Variants in MCAM observed in about 807,000 individuals in gnomAD.
MCAM encodes the protein melanoma cell adhesion molecule.
A neutral mutation model predicts 79.1 loss-of-function variants in MCAM; 55 were observed. The observed-to-expected ratio is 0.70, with a 90% CI of 0.56 to 0.87. The LOEUF is 0.87. Among genes scored for constraint, MCAM ranks in the 40% least tolerant of loss-of-function variants. The probability of loss-of-function intolerance (pLI) is 0.00; values close to 1 mark genes in which losing one functional copy is unlikely to be tolerated. For synonymous variants in MCAM, 330 were observed against 339.8 expected (o/e 0.97, Z 0.32); for missense variants, 745 against 839.8 (o/e 0.89, Z 1.40).
rs113139996 is a variant in MCAM, at chr11:119,310,686, G to A, written c.1793+70C>T. The A allele has an allele frequency of 6.0e-4, 925 of 1,535,160 alleles. 3 individuals carry two copies. Among genetic ancestry groups the A allele is most frequent in the Middle Eastern group, 3.5e-3 (16 of 4,626 alleles). ...CCCCACTCCTGCTGTCAAGGGGCAGGCGGGCGCTGGGCAGGCAGCAGGCTG... is the reference window on the plus strand; with the variant it reads ...CCCCACTCCTGCTGTCAAGGGGCAGACGGGCGCTGGGCAGGCAGCAGGCTG... On this transcript the variant is annotated intron_variant, in intron 14 of 15. Transcript: ENST00000264036.
At position 119,315,370 on chromosome 11, in the gene MCAM, G is replaced by T; in HGVS notation, c.68-107C>A. The T allele has an allele frequency of 7.1e-7, 1 of 1,404,144 alleles. No individual in the cohort carries two copies. The highest frequency in any genetic ancestry group is 9.6e-7 in the Non-Finnish European group (1 of 1,042,976). The allele number at this position is 1,404,144 out of a possible 1,614,324, so 87.0% of individuals were successfully genotyped here. The stretch of plus-strand genomic sequence containing the variant: ...GTTTTTCCTGCCACTCAGAGGGTCT[G>T]CAGAGGGCCCTGTCCTCTGAACGCT... On this transcript the variant is annotated intron_variant, in intron 1 of 15. Coordinates refer to ENST00000264036, the MANE Select transcript of MCAM (RefSeq NM_006500.3). This position sits in a 1 kb window ranked among gnomAD's most constrained non-coding sequence, Gnocchi z 4.4.
At position 119,312,056 on chromosome 11, in the gene MCAM, TCTC is replaced by T. The variant is rs571690892; in HGVS notation, c.1136_1138del (p.Arg379_Glu380delinsLys). 6.3e-4 allele frequency: 1,022 copies of T among 1,610,722 alleles called. 4 individuals carry two copies. The African/African-American group carries it at 0.012, about 19-fold the overall frequency. ...GCCCCAGACCCGCCTGGGTACCTCT[TCTC>T]TCAGCCACTGGAACTCGAGGTCCTG... On this transcript the variant is annotated inframe_deletion, in exon 9 of 16. Coordinates refer to ENST00000264036, the MANE Select transcript of MCAM (RefSeq NM_006500.3). The surrounding 1 kb of genome is among the most constrained non-coding windows in gnomAD (Gnocchi z 4.9).
chr11:119,313,317 A>C (rs1420150892), intron 5 of MCAM: 2 of 1,315,648 alleles, frequency 1.5e-6, no homozygotes, highest in Non-Finnish European at 2.0e-6. Flanking sequence ...CTGACCCAGA[A>C]ACATTGTATA....
intron 15 of MCAM, 74 bp from the exon 16 acceptor site, chr11:119,309,989 G>C: frequency 7.9e-7 from 1 of 1,266,614 alleles, no homozygotes; most frequent in East Asian, 2.4e-5. Flanking sequence ...CGAGAGGAAG[G>C]AGAGATGGAA....
rs1324021960 is a variant in MCAM at position 119,308,582 on chromosome 11, T to C, written c.*1304A>G. The C allele has an allele frequency of 6.6e-6, 1 of 150,880 alleles. No homozygotes were observed. The highest frequency in any genetic ancestry group is 6.6e-5 in the Admixed American group (1 of 15,096). 9.3% of individuals were successfully genotyped at this position (150,880 alleles called of 1,614,324 possible). On this transcript the variant is annotated 3_prime_UTR_variant, in exon 16 of 16. Transcript: ENST00000264036. Reference sequence around the variant, plus strand: ...ATATATATATATATTTTCATATATATATATACATACATATATAAAGGAAAC... The same window carrying C: ...ATATATATATATATTTTCATATATACATATACATACATATATAAAGGAAAC...
At chr11:119,314,188 C>G in intron 5 of MCAM, 1 of 462,644 alleles carries the variant, frequency 2.2e-6, no homozygotes, top group South Asian at 2.6e-5. Context: ...TGGGGTCTCG[C>G]TCTGTCACCC....
At position 119,310,390 on chromosome 11, in the gene MCAM, G is replaced by A. The variant is rs147931021; in HGVS notation, c.1870C>T (p.Leu624=). Reference sequence around the variant, plus strand: ...CTCTTGTCACCGCTGCTGCCCTGCAGGAGGCCCATCTCTTCTGGGAGCTTA... The same window carrying A: ...CTCTTGTCACCGCTGCTGCCCTGCAAGAGGCCCATCTCTTCTGGGAGCTTA... ...SDKLPEEMGL[L]QGSSGDKRAP... Residue 624 remains leucine (L), a synonymous_variant, in exon 15 of 16, where the codon CTG becomes TTG. Coordinates refer to ENST00000264036, the MANE Select transcript of MCAM (RefSeq NM_006500.3). The A allele has an allele frequency of 5.0e-6, 8 of 1,614,000 alleles. No homozygotes were observed. The African/African-American group carries it at 1.1e-4, about 22-fold the overall frequency.
In MCAM at chr11:119,309,928, A is replaced by G. The variant is rs777559814; in HGVS notation, c.1912-13T>C. ...TGTATTTCTCTCCCTAAAAGTGGGT[A>G]GAGGAGAAGAGGGGAACACGGAGAC... On this transcript the variant is annotated splice_polypyrimidine_tract_variant and intron_variant, in intron 15 of 15. Transcript: ENST00000264036. 1 of 1,598,244 alleles carries G rather than the reference A, an allele frequency of 6.3e-7. No individual in the cohort carries two copies. The highest frequency in any genetic ancestry group is 8.5e-7 in the Non-Finnish European group (1 of 1,171,810).
At position 119,310,862 on chromosome 11, in the gene MCAM, C is replaced by G; in HGVS notation, c.1687G>C (p.Val563Leu). The G allele has an allele frequency of 6.2e-7, 1 of 1,614,212 alleles. No homozygotes were observed. Among genetic ancestry groups the G allele is most frequent in the Non-Finnish European group, 8.5e-7 (1 of 1,180,040 alleles). Residue 563 changes from valine (V) to leucine (L), a missense_variant, in exon 14 of 16, where the codon GTG becomes CTG. Val to Leu is a conservative substitution (Grantham distance 32). Transcript: ENST00000264036. Reference sequence around the variant, plus strand: ...ACCAGGATGCACACAATCACAGCCACGATGACCACGCCCCGGCTCTCCGGC... The same window carrying G: ...ACCAGGATGCACACAATCACAGCCAGGATGACCACGCCCCGGCTCTCCGGC... ...PEPESRGVVI[V>L]AVIVCILVLA... is the part of the protein sequence containing the mutation.
chr11:119,310,247 A>G, intron 15 of MCAM, 102 bp downstream of exon 15: 1 of 834,506 alleles, frequency 1.2e-6, no homozygotes, highest in East Asian at 2.4e-5. Flanking sequence ...CCTGCTCCCT[A>G]TCTCTGACAA....
In MCAM at chr11:119,312,135, CAG is replaced by C; in HGVS notation, c.1058_1059del (p.Pro353ArgfsTer13). On this transcript the variant is annotated frameshift_variant, in exon 9 of 16. Coordinates refer to ENST00000264036, the MANE Select transcript of MCAM (RefSeq NM_006500.3). LOFTEE classifies it high-confidence loss of function. This position sits in a 1 kb window ranked among gnomAD's most constrained non-coding sequence, Gnocchi z 4.9. ...GTGAGGCTGCTGCCTTCCTGTCTCT[CAG>C]GGGCTGCGGGACTCACTCGGACGTC... ...VSDVRVSPAAPERQEGSSLTL... is the reference protein window; with the variant it reads ...VSDVRVSPAAXERQEGSSLTL... 6.2e-7 allele frequency: 1 copy of C among 1,613,564 alleles called. No homozygotes were observed. Among genetic ancestry groups the C allele is most frequent in the South Asian group, 1.1e-5 (1 of 90,980 alleles).
At position 119,309,826 on chromosome 11, in the gene MCAM, A is replaced by G; in HGVS notation, c.*60T>C. On this transcript the variant is annotated 3_prime_UTR_variant, in exon 16 of 16. Transcript: ENST00000264036. ...TCCCTTTGGAGGCTTTGGCTGAGAG[A>G]AGAGTGAGCAGGGAGCTGGGAATGG... 6.6e-7 allele frequency: 1 copy of G among 1,520,104 alleles called. No homozygotes were observed. Among genetic ancestry groups the G allele is most frequent in the Non-Finnish European group, 9.0e-7 (1 of 1,109,414 alleles). 94.2% of individuals were successfully genotyped at this position (1,520,104 alleles called of 1,614,324 possible).
rs376525144 is a variant in MCAM at position 119,314,855 on chromosome 11, G to A, written c.378C>T (p.Tyr126=). 2 of 1,613,604 alleles carry A rather than the reference G, an allele frequency of 1.2e-6. No individual in the cohort carries two copies. The highest frequency in any genetic ancestry group is 1.3e-5 in the African/African-American group (1 of 74,934). The change falls in exon 3 of 16, where the codon TAC becomes TAT. Residue 126 remains tyrosine (Y), a synonymous_variant. Transcript: ENST00000264036. ...CQGKRPRSQE[Y]RIQLRVYKAP... is the part of the protein sequence containing the mutation. ...CACTGTAGACGCGGAGCTGGATGCG[G>A]TACTCCTGGGACCGAGGGCGCTTGC...
At position 119,310,863 on chromosome 11, in the gene MCAM, G is replaced by T. The variant is rs141858125; in HGVS notation, c.1686C>A (p.Ile562=). 3.7e-6 allele frequency: 6 copies of T among 1,614,072 alleles called. No homozygotes were observed. The highest frequency in any genetic ancestry group is 1.1e-5 in the South Asian group (1 of 91,092). ...LPEPESRGVV[I]VAVIVCILVL... ...CCAGGATGCACACAATCACAGCCAC[G>T]ATGACCACGCCCCGGCTCTCCGGCT... is the stretch of plus-strand genomic sequence containing the variant. Residue 562 remains isoleucine (I), a synonymous_variant, in exon 14 of 16, where the codon ATC becomes ATA. Transcript: ENST00000264036.
Position 119,316,897 on chromosome 11 carries a change from C to T in MCAM, c.67+138G>A. 3.0e-6 allele frequency: 2 copies of T among 674,000 alleles called. No individual in the cohort carries two copies. The highest frequency in any genetic ancestry group is 2.0e-5 in the South Asian group (1 of 50,294). 41.8% of individuals were successfully genotyped at this position (674,000 alleles called of 1,614,324 possible). ...AAGAGTTGCTCGCGCGCAAGGCGCC[C>T]GGGGATCGGGGACCCAGGGAGGAGG... On this transcript the variant is annotated intron_variant, in intron 1 of 15. Transcript: ENST00000264036. The surrounding 1 kb of genome is among the most constrained non-coding windows in gnomAD (Gnocchi z 4.8).
chr11:119,314,787 G>A (rs533220625), intron 3 of MCAM, 38 bp from the exon 4 acceptor site: 8 of 1,613,068 alleles, frequency 5.0e-6, no homozygotes, highest in South Asian at 4.4e-5. Context: ...ATCTGGCCAC[G>A]TCCCACCACC....
At position 119,315,228 on chromosome 11, in the gene MCAM, G is replaced by A; in HGVS notation, c.103C>T (p.Leu35=). ...PGEAEQPAPE[L]VEVEVGSTAL... Reference sequence around the variant, plus strand: ...GTGCTGCCCACTTCCACCTCCACCAGCTCAGGCGCAGGCTGCTCAGCCTCT... The same window carrying A: ...GTGCTGCCCACTTCCACCTCCACCAACTCAGGCGCAGGCTGCTCAGCCTCT... The change falls in exon 2 of 16, where the codon CTG becomes TTG. Residue 35 remains leucine, a synonymous_variant. Coordinates refer to ENST00000264036, the MANE Select transcript of MCAM (RefSeq NM_006500.3). This position sits in a 1 kb window ranked among gnomAD's most constrained non-coding sequence, Gnocchi z 4.4. 1.9e-6 allele frequency: 3 copies of A among 1,612,302 alleles called. No individual in the cohort carries two copies. The highest frequency in any genetic ancestry group is 2.5e-6 in the Non-Finnish European group (3 of 1,179,944).
Position 119,316,751 on chromosome 11 carries a change from C to A in MCAM, c.67+284G>T. The A allele has an allele frequency of 2.3e-6, 1 of 439,212 alleles. No individual in the cohort carries two copies. The highest frequency in any genetic ancestry group is 4.1e-6 in the Non-Finnish European group (1 of 244,086). 27.2% of individuals were successfully genotyped at this position (439,212 alleles called of 1,614,324 possible). A position where few individuals can be genotyped will look rare whatever the true frequency, so the allele number is the denominator to read the frequency against. On this transcript the variant is annotated intron_variant, in intron 1 of 15. Transcript: ENST00000264036. This position sits in a 1 kb window ranked among gnomAD's most constrained non-coding sequence, Gnocchi z 4.8. ...AGTGAGCACCTCAGGGACCACCCAC[C>A]CCCCAGCACCCCGAAAGGCTGAGCT... is the stretch of plus-strand genomic sequence containing the variant.
chr11:119,311,603 TTCTC>T lies in MCAM; in HGVS notation c.1330_1333del (p.Glu444IlefsTer4). On this transcript the variant is annotated frameshift_variant, in exon 11 of 16. Coordinates refer to ENST00000264036, the MANE Select transcript of MCAM (RefSeq NM_006500.3). LOFTEE classifies it high-confidence loss of function. The surrounding 1 kb of genome is among the most constrained non-coding windows in gnomAD (Gnocchi z 4.4). The stretch of plus-strand genomic sequence containing the variant: ...TTCACAAGACAGATTCAACACCATA[TTCTC>T]TTTCACCCACACCTTCCTCTCCTTG... The T allele has an allele frequency of 6.2e-7, 1 of 1,614,134 alleles. No individual in the cohort carries two copies. Among genetic ancestry groups the T allele is most frequent in the Non-Finnish European group, 8.5e-7 (1 of 1,180,018 alleles).
Sources: gnomAD v4.1 joint callset for allele counts on GRCh38, gnomAD v4.1.1 for gene constraint, Gnocchi (gnomAD v3.1) non-coding constraint, MANE v1.5 for transcripts, NCBI Gene and HGNC (gene_info 2026-07-23, HGNC 2026-07-21) for gene names.